FH: variants seen among roughly 807,000 people sequenced by gnomAD.
FH encodes the protein fumarate hydratase, mitochondrial.
FH carries 22 observed loss-of-function variants against 49.4 expected under a neutral mutation model. The ratio of observed to expected loss-of-function variants is 0.45; its 90% confidence interval spans 0.32 to 0.64. The LOEUF is 0.64. Ranked by LOEUF, FH falls within the 30% of genes least tolerant of loss-of-function variation. The pLI is 0.05. For missense variants in FH, 526 were observed against 641.5 expected, an observed-to-expected ratio of 0.82 and a Z score of 1.95; for synonymous variants, 208 against 223.0, an observed-to-expected ratio of 0.93 and a Z score of 0.60.
chr1:241,502,230 G>A (rs1158457036), intron 8 of FH, among the ~76,000 whole-genome samples: 2 of 151,918 alleles, frequency 1.3e-5, no homozygotes, highest in African/African-American at 2.4e-5. Context: ...TCTTAAACGG[G>A]CTATTAAAAA....
intron 2 of FH, among the ~76,000 whole-genome samples, chr1:241,514,155 C>T (rs1051432333): frequency 6.6e-6 from 1 of 152,074 alleles, no homozygotes; most frequent in South Asian, 2.1e-4. Context: ...TTGTTTCCTT[C>T]CCCTCTTAAA....
intron 1 of FH, 56 bp downstream of exon 1, chr1:241,519,535 G>T (rs2147926742): frequency 6.6e-7 from 1 of 1,522,524 alleles, no homozygotes; most frequent in South Asian, 1.2e-5. Flanking sequence ...CAGGCCGGCA[G>T]GCAGGAGGGC....
rs760718407 is a variant in FH, at chr1:241,497,814, T to C, written c.*14A>G. 8.3e-6 allele frequency: 13 copies of C among 1,568,028 alleles called. No homozygotes were observed. Among genetic ancestry groups the C allele is most frequent in the African/African-American group, 2.7e-5 (2 of 73,162 alleles). On this transcript the variant is annotated 3_prime_UTR_variant, in exon 10 of 10. Coordinates refer to ENST00000366560, the MANE Select transcript of FH (RefSeq NM_000143.4). Reference sequence around the variant, plus strand: ...ATTTTATACATGTTTATTTTCATTATAAATTTATGTAAATCACTTTGGACC... The same window carrying C: ...ATTTTATACATGTTTATTTTCATTACAAATTTATGTAAATCACTTTGGACC...
chr1:241,509,358 A>G (rs1368699512), intron 4 of FH, among the ~76,000 whole-genome samples: 1 of 152,190 alleles, frequency 6.6e-6, no homozygotes, highest in Non-Finnish European at 1.5e-5. Flanking sequence ...TAAAAATAGG[A>G]AAGCCAAGCC....
Position 241,509,779 on chromosome 1 carries a change from AC to A in FH, c.556-995del, listed in dbSNP as rs1432680793. Among the ~76,000 whole-genome samples the A allele has an allele frequency of 3.7e-3, 18 of 4,930 alleles. 1 individual carries two copies. The South Asian group carries it at 0.047, about 13-fold the overall frequency. 3.2% of individuals were successfully genotyped at this position (4,930 alleles called of 152,430 possible). A position where few individuals can be genotyped will look rare whatever the true frequency, so the allele number is the denominator to read the frequency against. On this transcript the variant is annotated intron_variant, in intron 4 of 9. Coordinates refer to ENST00000366560, the MANE Select transcript of FH (RefSeq NM_000143.4). The stretch of plus-strand genomic sequence containing the variant: ...TGACAGAGTGAAGCACAATCTCTAA[AC>A]ACACACACACACACACACACACACA...
chr1:241,508,253 TAG>T (rs1352388974), intron 5 of FH, among the ~76,000 whole-genome samples: 1 of 152,192 alleles, frequency 6.6e-6, no homozygotes, highest in Non-Finnish European at 1.5e-5. Flanking sequence ...ATCAACTTAC[TAG>T]AGCTTCACAA....
At position 241,519,668 on chromosome 1, in the gene FH, C is replaced by T. The variant is rs1194889415; in HGVS notation, c.55G>A (p.Ala19Thr). The T allele has an allele frequency of 1.3e-6, 2 of 1,547,760 alleles. No homozygotes were observed. Among genetic ancestry groups the T allele is most frequent in the Non-Finnish European group, 1.7e-6 (2 of 1,146,340 alleles). ...CCGGGAGCCGAAGCTAAGGCTGCGG[C>T]TGGAGCCCGCACGAGGGGACGCGAG... ...ARSRPLVRAP[A>T]AALASAPGLG... The change falls in exon 1 of 10, where the codon GCC (alanine) becomes ACC (threonine). Residue 19 changes from alanine to threonine, a missense_variant. By Grantham distance (58) the Ala-to-Thr change is moderately conservative. Around this residue, in one of 2 missense-constraint regions of FH, gnomAD observed 143 missense variants for 127.5 expected, o/e 1.12. Coordinates refer to ENST00000366560, the MANE Select transcript of FH (RefSeq NM_000143.4).
chr1:241,509,064 T>C (rs1445861879), intron 4 of FH, among the ~76,000 whole-genome samples: 1 of 148,478 alleles, frequency 6.7e-6, no homozygotes, highest in Non-Finnish European at 1.5e-5. Flanking sequence ...TTATGTATTA[T>C]ATAATATATT....
intron 5 of FH, among the ~76,000 whole-genome samples, 170 bp from the exon 6 acceptor site, chr1:241,506,338 A>G (rs747958967): frequency 1.3e-5 from 2 of 152,220 alleles, no homozygotes; most frequent in Non-Finnish European, 2.9e-5. Context: ...AAGTATAGGG[A>G]AGGATGAGGG....
At chr1:241,501,858 G>C (rs75863576) in intron 8 of FH, among the ~76,000 whole-genome samples, 3,972 of 152,260 alleles carry the variant, frequency 0.026, 112 homozygotes, top group African/African-American at 0.074. Flanking sequence ...GAACGGTTTG[G>C]GTGGACACAA....
intron 5 of FH, among the ~76,000 whole-genome samples, chr1:241,507,538 G>C (rs2147918707): frequency 6.6e-6 from 1 of 152,164 alleles, no homozygotes; most frequent in South Asian, 2.1e-4. Flanking sequence ...AAATGCTTCT[G>C]ATAAAGTCAA....
chr1:241,513,725 C>A lies in FH; in HGVS notation c.268-12G>T. The stretch of plus-strand genomic sequence containing the variant: ...TTAATAACTGGGGTCTAAAATTAAT[C>A]AGAAAAATATTTCAAATTTACAATT... On this transcript the variant is annotated splice_polypyrimidine_tract_variant and intron_variant, in intron 2 of 9. Coordinates refer to ENST00000366560, the MANE Select transcript of FH (RefSeq NM_000143.4). 1 of 1,605,214 alleles carries A rather than the reference C, an allele frequency of 6.2e-7. No individual in the cohort carries two copies. The highest frequency in any genetic ancestry group is 1.1e-5 in the South Asian group (1 of 90,828).
chr1:241,505,924 A>C (rs1465023235), intron 6 of FH, 79 bp downstream of exon 6: 1 of 1,301,334 alleles, frequency 7.7e-7, no homozygotes, highest in Non-Finnish European at 1.1e-6. Context: ...ACAAGAATTC[A>C]AGACAGGAAC....
At chr1:241,507,435 C>G (rs75662465) in intron 5 of FH, among the ~76,000 whole-genome samples, 2,745 of 152,202 alleles carry the variant, frequency 0.018, 84 homozygotes, top group African/African-American at 0.063. Context: ...TATACACACA[C>G]ACACAAACAC....
chr1:241,511,549 T>C (rs1660083869), intron 4 of FH, among the ~76,000 whole-genome samples: 1 of 151,880 alleles, frequency 6.6e-6, no homozygotes, highest in African/African-American at 2.4e-5. Flanking sequence ...AAAGCCTCAG[T>C]TTTTTGTTTT....
At chr1:241,502,362 C>A in intron 8 of FH, 81 bp downstream of exon 8, 1 of 1,533,376 alleles carries the variant, frequency 6.5e-7, no homozygotes, top group Non-Finnish European at 9.0e-7. Context: ...AATGTGGAAT[C>A]ACTAGAAGTC....
rs926909980 is a variant in FH at position 241,508,525 on chromosome 1, C to T, written c.738+78G>A. ...CCGGTTACAAATTTGGCCTTTTAAGCTAGTCAGATTTCAAGGATGACACAT... is the reference window on the plus strand; with the variant it reads ...CCGGTTACAAATTTGGCCTTTTAAGTTAGTCAGATTTCAAGGATGACACAT... On this transcript the variant is annotated intron_variant, in intron 5 of 9. Transcript: ENST00000366560. 7.5e-6 allele frequency: 10 copies of T among 1,330,728 alleles called. No homozygotes were observed. In the African/African-American group the frequency reaches 1.4e-4, roughly 19 times the overall value. 82.4% of individuals were successfully genotyped at this position (1,330,728 alleles called of 1,614,324 possible). A position where few individuals can be genotyped will look rare whatever the true frequency, so the allele number is the denominator to read the frequency against.
intron 6 of FH, 123 bp from the exon 7 acceptor site, chr1:241,504,368 T>G (rs777888212): frequency 1.1e-6 from 1 of 935,338 alleles, no homozygotes; most frequent in African/African-American, 1.7e-5. Flanking sequence ...CAGAAAAAAA[T>G]GTTTACTTAA....
At position 241,508,611 on chromosome 1, in the gene FH, G is replaced by A. The variant is rs1659989125; in HGVS notation, c.730C>T (p.Leu244Phe). 3 of 1,613,196 alleles carry A rather than the reference G, an allele frequency of 1.9e-6. No individual in the cohort carries two copies. The highest frequency in any genetic ancestry group is 2.2e-5 in the East Asian group (1 of 44,854). ...THTQDAVPLTLGQEFSGYVQQ... is the reference protein window; with the variant it reads ...THTQDAVPLTFGQEFSGYVQQ... ...TAGTCAAACTCCTATACCTGCCCAA[G>A]AGTAAGTGGAACAGCATCCTGAGTA... The change falls in exon 5 of 10, where the codon CTT becomes TTT. Residue 244 changes from leucine to phenylalanine, a missense_variant. Coordinates refer to ENST00000366560, the MANE Select transcript of FH (RefSeq NM_000143.4).
Sources: gnomAD v4.1 joint callset for allele counts (sites outside exome capture counted in the v4.1 genomes callset) on GRCh38, gnomAD v4.1.1 for gene constraint, gnomAD v4.1.1 regional missense constraint, MANE v1.5 for transcripts, NCBI Gene and HGNC (gene_info 2026-07-23, HGNC 2026-07-21) for gene names.